Variants in UGT3A1 observed in about 807,000 individuals in gnomAD.
UGT3A1 encodes UDP-glycosyltransferase 3A1.
Under a neutral mutation model 37.6 loss-of-function variants are expected in UGT3A1, and 40 were observed. The observed-to-expected ratio is 1.06, with a 90% CI of 0.83 to 1.38. The LOEUF is 1.38. Among genes scored for constraint, UGT3A1 ranks in the 40% most tolerant of loss-of-function variants. The pLI is 0.00. For missense variants in UGT3A1, 642 were observed against 634.2 expected (o/e 1.01, Z -0.13); for synonymous variants, 256 against 232.3 (o/e 1.10, Z -0.93).
chr5:35,994,785 G>A (rs1234861886), upstream of UGT3A1, among the ~76,000 whole-genome samples: 1 of 152,136 alleles, frequency 6.6e-6, no homozygotes, highest in Non-Finnish European at 1.5e-5. Flanking sequence ...ATCCAAAAAG[G>A]AACTCTAAGT....
At chr5:35,974,639 G>T (rs988907498) in intron 2 of UGT3A1, among the ~76,000 whole-genome samples, 6 of 152,190 alleles carry the variant, frequency 3.9e-5, no homozygotes, top group African/African-American at 1.4e-4. Flanking sequence ...TCTAATTGCA[G>T]CTGCTCTTCC....
intron 4 of UGT3A1, among the ~76,000 whole-genome samples, chr5:35,959,952 T>G (rs1253798967): frequency 3.7e-5 from 5 of 136,550 alleles, no homozygotes; most frequent in Non-Finnish European, 8.1e-5. Flanking sequence ...ATTTCAACAA[T>G]AATATCAGAG....
At chr5:35,960,435 C>A (rs907065110) in intron 4 of UGT3A1, among the ~76,000 whole-genome samples, 1 of 152,176 alleles carries the variant, frequency 6.6e-6, no homozygotes, top group Non-Finnish European at 1.5e-5. Flanking sequence ...CTGACCCCCC[C>A]TCACAGGGTA....
chr5:35,958,759 C>T (rs999801884), intron 4 of UGT3A1, among the ~76,000 whole-genome samples: 2 of 152,164 alleles, frequency 1.3e-5, no homozygotes, highest in Non-Finnish European at 2.9e-5. Context: ...GACCACAGTC[C>T]ACAGGCAAAA....
chr5:35,957,284 C>T lies in UGT3A1; in HGVS notation c.979G>A (p.Val327Met), dbSNP rs766971238. The T allele has an allele frequency of 8.7e-6, 14 of 1,614,048 alleles. No individual in the cohort carries two copies. In the East Asian group the frequency reaches 2.5e-4, roughly 28 times the overall value. Residue 327 changes from valine (V) to methionine (M), a missense_variant, in exon 5 of 7, where the codon GTG (valine) becomes ATG (methionine). By Grantham distance (21) the Val-to-Met change is conservative (BLOSUM62 1). Transcript: ENST00000274278. ...TGAGAACTCTGACATGTCCATATCA[C>T]TCCTTGAGGGAGGTGGGCAAAGGCA... ...HNAFAHLPQG[V>M]IWTCQSSHWP...
chr5:35,982,359 G>A (rs910067156), intron 2 of UGT3A1, among the ~76,000 whole-genome samples: 5 of 152,214 alleles, frequency 3.3e-5, no homozygotes, highest in East Asian at 3.9e-4. Flanking sequence ...AGAGCCACAG[G>A]GGCAGAGCTA....
intron 2 of UGT3A1, among the ~76,000 whole-genome samples, chr5:35,972,621 G>T (rs1378950174): frequency 6.6e-6 from 1 of 150,958 alleles, no homozygotes; most frequent in Non-Finnish European, 1.5e-5. Context: ...TTCAAATATT[G>T]ATTATATTTG....
intron 6 of UGT3A1, 88 bp from the exon 7 acceptor site, chr5:35,954,566 A>G: frequency 6.7e-7 from 1 of 1,486,960 alleles, no homozygotes; most frequent in Admixed American, 2.0e-5. Flanking sequence ...ACACAAGCAT[A>G]CAAACACTTT....
At position 35,991,367 on chromosome 5, in the gene UGT3A1, T is replaced by C. The variant is rs1740947361; in HGVS notation, c.-127A>G. The stretch of plus-strand genomic sequence containing the variant: ...GGCCTAGGAAGAGGTAGGAGACGGA[T>C]CCTGCCAATTCTCTCGCCCTTCTGT... On this transcript the variant is annotated 5_prime_UTR_variant, in exon 1 of 7. Coordinates refer to ENST00000274278, the MANE Select transcript of UGT3A1 (RefSeq NM_152404.4). The C allele has an allele frequency of 6.7e-7, 1 of 1,491,918 alleles. No homozygotes were observed. The highest frequency in any genetic ancestry group is 1.4e-5 in the African/African-American group (1 of 71,018). 92.4% of individuals were successfully genotyped at this position (1,491,918 alleles called of 1,614,324 possible).
Position 35,963,476 on chromosome 5 carries a change from C to T in UGT3A1, c.843+1910G>A, listed in dbSNP as rs546207541. The stretch of plus-strand genomic sequence containing the variant: ...TTATCAGCCAGCAGGGGTCGCTCCT[C>T]CATTATTTTCTCTATCAGAAGCAGC... On this transcript the variant is annotated intron_variant, in intron 4 of 6. Transcript: ENST00000274278. Among the ~76,000 whole-genome samples, 12 of 152,252 alleles carry T rather than the reference C, an allele frequency of 7.9e-5. No individual in the cohort carries two copies. The East Asian group carries it at 2.3e-3, about 29-fold the overall frequency.
intron 1 of UGT3A1, among the ~76,000 whole-genome samples, chr5:35,999,518 A>G (rs1342112340): frequency 6.6e-6 from 1 of 152,214 alleles, no homozygotes; most frequent in Non-Finnish European, 1.5e-5. Context: ...GCAGGGGAAT[A>G]CTTGACTCCC....
chr5:35,999,108 G>A (rs1291811136), intron 1 of UGT3A1, among the ~76,000 whole-genome samples: 2 of 151,784 alleles, frequency 1.3e-5, no homozygotes. Flanking sequence ...ATGGTGGCCG[G>A]CGCCTGTATT....
Position 35,962,978 on chromosome 5 carries a change from C to T in UGT3A1, c.843+2408G>A, listed in dbSNP as rs754120768. On this transcript the variant is annotated intron_variant, in intron 4 of 6. Coordinates refer to ENST00000274278, the MANE Select transcript of UGT3A1 (RefSeq NM_152404.4). ...TGAAAGACAGGGAAATAGAGGTGTCCCTCATTTCCCTTCCTTCTTTCAATG... is the reference window on the plus strand; with the variant it reads ...TGAAAGACAGGGAAATAGAGGTGTCTCTCATTTCCCTTCCTTCTTTCAATG... 19 of 701,592 alleles carry T rather than the reference C, an allele frequency of 2.7e-5. No homozygotes were observed. The South Asian group carries it at 2.8e-4, about 10-fold the overall frequency. The allele number at this position is 701,592 out of a possible 1,614,324, so 43.5% of individuals were successfully genotyped here.
In UGT3A1 at chr5:35,951,865, T is replaced by C. The variant is rs907696301; in HGVS notation, c.*2337A>G. Reference sequence around the variant, plus strand: ...GTGTATAGGAATTCAGTTTTTGATATAGTGTGAAGTCTGGATCAAATATTG... The same window carrying C: ...GTGTATAGGAATTCAGTTTTTGATACAGTGTGAAGTCTGGATCAAATATTG... On this transcript the variant is annotated 3_prime_UTR_variant, in exon 7 of 7. Transcript: ENST00000274278. The C allele has an allele frequency of 8.5e-5, 13 of 152,226 alleles. No individual in the cohort carries two copies. Among genetic ancestry groups the C allele is most frequent in the African/African-American group, 2.9e-4 (12 of 41,452 alleles). 9.4% of individuals were successfully genotyped at this position (152,226 alleles called of 1,614,324 possible). A position where few individuals can be genotyped will look rare whatever the true frequency, so the allele number is the denominator to read the frequency against.
chr5:35,981,176 G>T (rs558409532), intron 2 of UGT3A1, among the ~76,000 whole-genome samples: 59 of 152,230 alleles, frequency 3.9e-4, no homozygotes, highest in African/African-American at 1.4e-3. Flanking sequence ...AAGAAAGAAA[G>T]AAAGAAAAAG....
At chr5:35,977,819 T>A (rs1254268844) in intron 2 of UGT3A1, among the ~76,000 whole-genome samples, 1 of 152,176 alleles carries the variant, frequency 6.6e-6, no homozygotes, top group African/African-American at 2.4e-5. Flanking sequence ...TATAATCCCA[T>A]TTACGTAAAA....
chr5:35,977,907 T>C (rs964833644), intron 2 of UGT3A1, among the ~76,000 whole-genome samples: 3 of 152,182 alleles, frequency 2.0e-5, no homozygotes, highest in Middle Eastern at 3.2e-3. Context: ...GGATGACACA[T>C]AGTGGGGATT....
At chr5:35,966,265 A>T (rs1739805373) in intron 3 of UGT3A1, among the ~76,000 whole-genome samples, 1 of 152,200 alleles carries the variant, frequency 6.6e-6, no homozygotes, top group South Asian at 2.1e-4. Context: ...GTTAACCTTC[A>T]TTTATATACT....
intron 4 of UGT3A1, chr5:35,961,249 G>A (rs538419643): frequency 6.6e-6 from 1 of 152,308 alleles, no homozygotes; most frequent in African/African-American, 2.4e-5. Context: ...GCTAATTTCT[G>A]CTGACAGGTG....
Sources: gnomAD v4.1 joint callset for allele counts (sites outside exome capture counted in the v4.1 genomes callset) on GRCh38, gnomAD v4.1.1 for gene constraint, MANE v1.5 for transcripts, NCBI Gene and HGNC (gene_info 2026-07-23, HGNC 2026-07-21) for gene names.